MTMR12: variants seen among roughly 807,000 people sequenced by gnomAD.
MTMR12 encodes myotubularin related protein 12.
In MTMR12, 33 loss-of-function variants were observed where a neutral mutation model predicts 96.7. The observed-to-expected ratio is 0.34, with a 90% CI of 0.26 to 0.46. The LOEUF is 0.46. Ranked by LOEUF, MTMR12 falls within the 20% of genes least tolerant of loss-of-function variation. The pLI, the probability that MTMR12 is intolerant of heterozygous loss-of-function variation, is 1.00. For synonymous variants in MTMR12, 298 were observed against 327.2 expected (o/e 0.91, Z 0.96); for missense variants, 721 against 896.1 (o/e 0.80, Z 2.49).
In MTMR12 at chr5:32,228,775, A is replaced by G. The variant is rs1221896164; in HGVS notation, c.*1003T>C. 1 of 151,820 alleles carries G rather than the reference A, an allele frequency of 6.6e-6. No individual in the cohort carries two copies. The highest frequency in any genetic ancestry group is 2.4e-5 in the African/African-American group (1 of 41,158). 9.4% of individuals were successfully genotyped at this position (151,820 alleles called of 1,614,324 possible). A position where few individuals can be genotyped will look rare whatever the true frequency, so the allele number is the denominator to read the frequency against. On this transcript the variant is annotated 3_prime_UTR_variant, in exon 16 of 16. Transcript: ENST00000382142. ...ATATTTATGTTTAAGCTGCTTTCCT[A>G]TGAAAGCCACATTCAAAAGTGACCC...
intron 1 of MTMR12, among the ~76,000 whole-genome samples, chr5:32,286,546 C>G (rs1199665358): frequency 1.3e-5 from 2 of 151,936 alleles, no homozygotes; most frequent in African/African-American, 4.8e-5. Flanking sequence ...TGACTTTTGC[C>G]CTCACGAAAT....
intron 1 of MTMR12, among the ~76,000 whole-genome samples, chr5:32,277,350 G>C (rs1185774681): frequency 1.3e-5 from 2 of 152,118 alleles, no homozygotes; most frequent in East Asian, 3.9e-4. Flanking sequence ...CCTTATCTAA[G>C]GAACAACTTG....
intron 7 of MTMR12, 197 bp from the exon 8 acceptor site, chr5:32,255,965 A>G: frequency 2.5e-6 from 1 of 394,582 alleles, no homozygotes; most frequent in South Asian, 4.4e-5. Flanking sequence ...TGGGGAATCT[A>G]AGTTCAAACT....
Position 32,239,060 on chromosome 5 carries a change from T to C in MTMR12, c.1285A>G (p.Met429Val), listed in dbSNP as rs145308792. 7,246 of 1,610,930 alleles carry C rather than the reference T, an allele frequency of 4.5e-3. 19 individuals are homozygous for C. Among genetic ancestry groups the C allele is most frequent in the Non-Finnish European group, 5.2e-3 (6,085 of 1,178,538 alleles). ...CGATCCAAGAAACAGTGGCCACCCA[T>C]GACCCACTCCTTTTGGATGAGGCTC... ...FQSLIQKEWV[M>V]GGHCFLDRCN... Residue 429 changes from methionine to valine, a missense_variant, in exon 13 of 16, where the codon ATG (methionine) becomes GTG (valine). Transcript: ENST00000382142.
chr5:32,284,633 C>G (rs1026734547), intron 1 of MTMR12, among the ~76,000 whole-genome samples: 1 of 152,172 alleles, frequency 6.6e-6, no homozygotes, highest in Admixed American at 6.5e-5. Flanking sequence ...TAGAGTTGCC[C>G]TTAAGCCTCT....
intron 1 of MTMR12, among the ~76,000 whole-genome samples, chr5:32,301,421 A>G (rs975440185): frequency 1.3e-5 from 2 of 152,228 alleles, no homozygotes; most frequent in South Asian, 2.1e-4. Context: ...TTGCATAGAC[A>G]GGAGGCAAAT....
At chr5:32,291,802 C>T (rs776570162) in intron 1 of MTMR12, among the ~76,000 whole-genome samples, 5 of 152,166 alleles carry the variant, frequency 3.3e-5, no homozygotes, top group Admixed American at 6.5e-5. Flanking sequence ...ACTGAGCCCT[C>T]GATATGGCAC....
At chr5:32,302,656 G>C (rs1397316912) in intron 1 of MTMR12, among the ~76,000 whole-genome samples, 2 of 151,710 alleles carry the variant, frequency 1.3e-5, no homozygotes, top group Non-Finnish European at 2.9e-5. Context: ...GGCGGAGGTT[G>C]CAGTGAGCCA....
In MTMR12 at chr5:32,238,991, G is replaced by C. The variant is rs751009266; in HGVS notation, c.1344+10C>G. Reference sequence around the variant, plus strand: ...CTATGACGGAAACAGTCTGCAGTGAGGGAACTCACCTCCTCTTTGTCGTTC... The same window carrying C: ...CTATGACGGAAACAGTCTGCAGTGACGGAACTCACCTCCTCTTTGTCGTTC... On this transcript the variant is annotated intron_variant, in intron 13 of 15. Coordinates refer to ENST00000382142, the MANE Select transcript of MTMR12 (RefSeq NM_001040446.3). 2.5e-6 allele frequency: 4 copies of C among 1,576,352 alleles called. No individual in the cohort carries two copies. Among genetic ancestry groups the C allele is most frequent in the Non-Finnish European group, 3.5e-6 (4 of 1,156,822 alleles).
chr5:32,229,595 T>C lies in MTMR12; in HGVS notation c.*183A>G. On this transcript the variant is annotated 3_prime_UTR_variant, in exon 16 of 16. Transcript: ENST00000382142. The stretch of plus-strand genomic sequence containing the variant: ...AGTAATACTACAGATGCGGTTTTAA[T>C]TGCATAGTCTTTTAGAATCATGAAA... 1 of 484,398 alleles carries C rather than the reference T, an allele frequency of 2.1e-6. No individual in the cohort carries two copies. The highest frequency in any genetic ancestry group is 3.4e-6 in the Non-Finnish European group (1 of 291,276). 30.0% of individuals were successfully genotyped at this position (484,398 alleles called of 1,614,324 possible). A position where few individuals can be genotyped will look rare whatever the true frequency, so the allele number is the denominator to read the frequency against.
intron 8 of MTMR12, among the ~76,000 whole-genome samples, chr5:32,252,045 C>T (rs181542239): frequency 4.6e-5 from 7 of 152,272 alleles, no homozygotes; most frequent in Admixed American, 2.0e-4. Context: ...GTGGTTTTCA[C>T]GGTCCGTTAA....
intron 15 of MTMR12, among the ~76,000 whole-genome samples, chr5:32,231,584 G>C (rs1747999109): frequency 6.6e-6 from 1 of 151,962 alleles, no homozygotes; most frequent in Non-Finnish European, 1.5e-5. Flanking sequence ...TTCCATCAAT[G>C]GTTCTTCCTT....
At chr5:32,240,917 A>G (rs1275802882) in intron 12 of MTMR12, among the ~76,000 whole-genome samples, 4 of 152,210 alleles carry the variant, frequency 2.6e-5, no homozygotes, top group Non-Finnish European at 5.9e-5. Flanking sequence ...TTCATTTTTA[A>G]GGAACTCTTT....
intron 1 of MTMR12, among the ~76,000 whole-genome samples, chr5:32,311,928 CCTA>C (rs1395521837): frequency 2.6e-5 from 4 of 152,270 alleles, no homozygotes; most frequent in South Asian, 4.2e-4. Context: ...TTTATCACCT[CCTA>C]CTACACCGTA....
chr5:32,298,872 G>C (rs535986613), intron 1 of MTMR12, among the ~76,000 whole-genome samples: 3 of 149,072 alleles, frequency 2.0e-5, no homozygotes, highest in East Asian at 2.0e-4. Flanking sequence ...AGAATGGCAC[G>C]AACCCGGGAG....
In MTMR12 at chr5:32,288,039, G is replaced by C. The variant is rs554102959; in HGVS notation, c.82-11297C>G. On this transcript the variant is annotated intron_variant, in intron 1 of 15. Coordinates refer to ENST00000382142, the MANE Select transcript of MTMR12 (RefSeq NM_001040446.3). ...TGTCCTGAGTGAGAGTCTTATCTCT[G>C]GCAGAGAAAGAGCTGAAATTGTGGA... Among the ~76,000 whole-genome samples the C allele has an allele frequency of 2.8e-4, 43 of 152,162 alleles. 1 individual carries two copies. Among genetic ancestry groups the C allele is most frequent in the Admixed American group, 2.1e-3 (32 of 15,274 alleles).
rs201432272 is a variant in MTMR12, at chr5:32,230,137, G to A, written c.1885C>T (p.Pro629Ser). Residue 629 changes from proline to serine, a missense_variant, in exon 16 of 16, where the codon CCG becomes TCG. Pro to Ser is a moderately conservative substitution (Grantham distance 74, BLOSUM62 -1). Coordinates refer to ENST00000382142, the MANE Select transcript of MTMR12 (RefSeq NM_001040446.3). Reference protein sequence around the residue: ...KSTDYHGLLLPHIEGPEIKVW... With the variant: ...KSTDYHGLLLSHIEGPEIKVW... ...TTGATTTCGGGCCCCTCGATATGCG[G>A]TAACAACAAACCATGGTAGTCAGTG... is the stretch of plus-strand genomic sequence containing the variant. The A allele has an allele frequency of 6.2e-7, 1 of 1,613,796 alleles. No individual in the cohort carries two copies. The highest frequency in any genetic ancestry group is 1.7e-5 in the Admixed American group (1 of 59,974).
Position 32,229,916 on chromosome 5 carries a change from G to A in MTMR12, c.2106C>T (p.Leu702=). 2 of 1,612,982 alleles carry A rather than the reference G, an allele frequency of 1.2e-6. No individual in the cohort carries two copies. The highest frequency in any genetic ancestry group is 1.7e-6 in the Non-Finnish European group (2 of 1,179,266). ...GCAGAGCGAAAGGAAACAAAGACGA[G>A]AGGCGGGCAGAGTTCCTCAGCAGGC... ...APCLLRNSAR[L]SSLFPFALLQ... Residue 702 remains leucine, a synonymous_variant, in exon 16 of 16, where the codon CTC becomes CTT. Coordinates refer to ENST00000382142, the MANE Select transcript of MTMR12 (RefSeq NM_001040446.3).
At chr5:32,270,706 G>C (rs1581620204) in intron 5 of MTMR12, 111 bp downstream of exon 5, 1 of 1,230,682 alleles carries the variant, frequency 8.1e-7, no homozygotes, top group Admixed American at 2.4e-5. Context: ...CCAATTTCAA[G>C]TTCACAGAGT....
Sources: allele counts gnomAD v4.1 joint callset (sites outside exome capture counted in the v4.1 genomes callset), GRCh38; gene constraint gnomAD v4.1.1; transcripts MANE v1.5; gene names NCBI Gene and HGNC (gene_info 2026-07-23, HGNC 2026-07-21).